SDK1: variants seen among roughly 807,000 people sequenced by gnomAD.
The protein encoded by SDK1 is sidekick cell adhesion molecule 1.
Under a neutral mutation model 245.5 loss-of-function variants are expected in SDK1, and 157 were observed. The observed-to-expected ratio is 0.64, with a 90% CI of 0.56 to 0.73. SDK1 has a LOEUF of 0.73. SDK1 is among the 30% of genes least tolerant of loss of function. SDK1 has a pLI of 0.00. For synonymous variants in SDK1, 1,647 were observed against 1,278.5 expected (o/e 1.29, Z -6.15); for missense variants, 3,583 against 3,002.3 (o/e 1.19, Z -4.52).
intron 5 of SDK1, among the ~76,000 whole-genome samples, chr7:3,858,280 C>T (rs898076378): frequency 2.0e-5 from 3 of 151,974 alleles, no homozygotes; most frequent in East Asian, 1.9e-4. Flanking sequence ...AGTCAGGCAC[C>T]GTGGCACATG....
chr7:3,545,815 C>G (rs1171685304), intron 1 of SDK1, among the ~76,000 whole-genome samples: 2 of 152,202 alleles, frequency 1.3e-5, no homozygotes, highest in East Asian at 1.9e-4. Flanking sequence ...TCAAATAGTA[C>G]TTTGAAATCT....
chr7:4,193,232 G>A (rs1436130404), intron 35 of SDK1, among the ~76,000 whole-genome samples: 2 of 122,202 alleles, frequency 1.6e-5, no homozygotes, highest in African/African-American at 6.5e-5. Flanking sequence ...TATATTAATT[G>A]TATAAATATA....
At chr7:3,785,197 G>A (rs194371) in intron 4 of SDK1, among the ~76,000 whole-genome samples, 2,554 of 152,238 alleles carry the variant, frequency 0.017, 46 homozygotes, top group African/African-American at 0.047. Context: ...CGAGGCTGGA[G>A]GGTGGGGGGA....
At chr7:3,742,228 G>A (rs1409497650) in intron 4 of SDK1, among the ~76,000 whole-genome samples, 33 of 151,270 alleles carry the variant, frequency 2.2e-4, no homozygotes, top group Admixed American at 2.2e-3. Flanking sequence ...TGACATAAAG[G>A]GCTGTAAGAG....
intron 5 of SDK1, among the ~76,000 whole-genome samples, chr7:3,824,975 C>G (rs1300350082): frequency 6.6e-6 from 1 of 152,056 alleles, no homozygotes; most frequent in Non-Finnish European, 1.5e-5. Flanking sequence ...CCTGAACTCT[C>G]CACCCCGCTG....
At chr7:3,950,889 A>AGTTT in intron 5 of SDK1, 34 bp from the exon 6 acceptor site, 1 of 1,553,198 alleles carries the variant, frequency 6.4e-7, no homozygotes, top group South Asian at 1.1e-5. Context: ...CTGTACTTAG[A>AGTTT]GTTTCATGGA....
chr7:3,410,946 A>G (rs1225076694), intron 1 of SDK1, among the ~76,000 whole-genome samples: 2 of 152,118 alleles, frequency 1.3e-5, no homozygotes, highest in Non-Finnish European at 2.9e-5. Flanking sequence ...AAACACCTCA[A>G]CAGAGGCTTC....
At chr7:3,715,904 C>G (rs982326638) in intron 4 of SDK1, among the ~76,000 whole-genome samples, 1 of 152,026 alleles carries the variant, frequency 6.6e-6, no homozygotes, top group African/African-American at 2.4e-5. Context: ...TATTCATTCT[C>G]CTTGAACAAA....
intron 4 of SDK1, among the ~76,000 whole-genome samples, chr7:3,677,135 C>G (rs1783926315): frequency 6.6e-6 from 1 of 152,040 alleles, no homozygotes; most frequent in Non-Finnish European, 1.5e-5. Flanking sequence ...TTCTGGCCAC[C>G]CTACTTAAAC....
chr7:3,536,232 T>G (rs113322347), intron 1 of SDK1, among the ~76,000 whole-genome samples: 1,942 of 139,394 alleles, frequency 0.014, 34 homozygotes, highest in African/African-American at 0.036. Flanking sequence ...AATTTTTTTT[T>G]TGTGTGTGTG....
At chr7:3,476,463 G>A (rs2128600382) in intron 1 of SDK1, among the ~76,000 whole-genome samples, 2 of 152,168 alleles carry the variant, frequency 1.3e-5, no homozygotes, top group South Asian at 4.1e-4. Context: ...TGTTCTCATT[G>A]TAATCTATTT....
chr7:3,398,854 T>A (rs1212234304), intron 1 of SDK1, among the ~76,000 whole-genome samples: 1 of 151,372 alleles, frequency 6.6e-6, no homozygotes, highest in Non-Finnish European at 1.5e-5. Flanking sequence ...TACAGTTATT[T>A]CCTCTAGTAG....
At chr7:3,809,024 A>G (rs1779319726) in intron 4 of SDK1, among the ~76,000 whole-genome samples, 1 of 152,122 alleles carries the variant, frequency 6.6e-6, no homozygotes, top group Admixed American at 6.6e-5. Context: ...GCATTGTTAT[A>G]AGAGAATACC....
intron 1 of SDK1, among the ~76,000 whole-genome samples, chr7:3,319,508 C>G (rs1302482220): frequency 6.6e-6 from 1 of 152,146 alleles, no homozygotes; most frequent in Non-Finnish European, 1.5e-5. Context: ...TTTTTATTAT[C>G]TCCTCAAGAG....
chr7:3,375,927 T>C (rs73050542), intron 1 of SDK1, among the ~76,000 whole-genome samples: 13,162 of 152,290 alleles, frequency 0.086, 785 homozygotes, highest in African/African-American at 0.16. Context: ...GGGTAATTCA[T>C]ATACAGCAAT....
chr7:4,024,254 G>C (rs1018990631), intron 17 of SDK1, among the ~76,000 whole-genome samples: 62 of 152,304 alleles, frequency 4.1e-4, no homozygotes, highest in African/African-American at 1.4e-3. Flanking sequence ...CTTGGGCTTT[G>C]AAAGGTTTTC....
chr7:3,514,562 G>T (rs536721457), intron 1 of SDK1, among the ~76,000 whole-genome samples: 2 of 152,266 alleles, frequency 1.3e-5, no homozygotes, highest in South Asian at 2.1e-4. Flanking sequence ...CACCTCGTGT[G>T]TCTCGTCACT....
Position 3,384,367 on chromosome 7 carries a change from A to C in SDK1, c.298+82483A>C, listed in dbSNP as rs191828033. On this transcript the variant is annotated intron_variant, in intron 1 of 44. Transcript: ENST00000404826. ...ATAACATATGCTGAAGGACACTCTG[A>C]AGAGTACTAATTTTTTTCAGGGATG... 4.4e-3 allele frequency among the ~76,000 whole-genome samples: 675 copies of C among 152,276 alleles called. 9 individuals are homozygous for C. Among genetic ancestry groups the C allele is most frequent in the African/African-American group, 0.015 (628 of 41,564 alleles).
chr7:3,861,139 C>T (rs997963490), intron 5 of SDK1, among the ~76,000 whole-genome samples: 2 of 152,120 alleles, frequency 1.3e-5, no homozygotes, highest in African/African-American at 4.8e-5. Flanking sequence ...CAGGGAGACA[C>T]GCGTAAGGGT....
Sources: gnomAD v4.1 joint callset for allele counts (sites outside exome capture counted in the v4.1 genomes callset) on GRCh38, gnomAD v4.1.1 for gene constraint, MANE v1.5 for transcripts, NCBI Gene and HGNC (gene_info 2026-07-23, HGNC 2026-07-21) for gene names.